The following SPDYE4 variants were observed in gnomAD, a reference collection of about 807,000 sequenced individuals.
SPDYE4 encodes speedy/RINGO cell cycle regulator family member E4, also known as speedy protein E4.
A neutral mutation model predicts 37.5 loss-of-function variants in SPDYE4; 30 were observed. The observed-to-expected ratio is 0.80, with a 90% CI of 0.60 to 1.09. The LOEUF (loss-of-function observed/expected upper bound fraction) is 1.09. Ranked by LOEUF, SPDYE4 falls within the 50% of genes least tolerant of loss-of-function variation. The probability of loss-of-function intolerance (pLI) is 0.00; values close to 1 mark genes in which losing one functional copy is unlikely to be tolerated. For synonymous variants in SPDYE4, 131 were observed against 120.3 expected, an observed-to-expected ratio of 1.09 and a Z score of -0.58; for missense variants, 300 against 307.9, an observed-to-expected ratio of 0.97 and a Z score of 0.19.
At chr17:8,756,258 G>C (rs2086771216) in intron 3 of SPDYE4, 120 bp downstream of exon 3, 3 of 913,004 alleles carry the variant, frequency 3.3e-6, no homozygotes, top group Non-Finnish European at 5.1e-6. Flanking sequence ...CCAAGAGTAT[G>C]GAATCAGCAG....
rs745347562 is a variant in SPDYE4, at chr17:8,753,122, C to T, written c.*16G>A. ...CCCTCAGGCCGATGACCTCAGGCCT[C>T]CATGTCCCCGGAGCTCTAGGAAATG... is the stretch of plus-strand genomic sequence containing the variant. On this transcript the variant is annotated 3_prime_UTR_variant, in exon 6 of 7. Transcript: ENST00000689094. 3.1e-6 allele frequency: 5 copies of T among 1,614,062 alleles called. No homozygotes were observed. Among genetic ancestry groups the T allele is most frequent in the Non-Finnish European group, 4.2e-6 (5 of 1,180,004 alleles).
intron 4 of SPDYE4, among the ~76,000 whole-genome samples, chr17:8,754,672 G>A (rs976931381): frequency 5.3e-5 from 8 of 152,296 alleles, no homozygotes; most frequent in Middle Eastern, 6.8e-3. Flanking sequence ...GCAGATAAAC[G>A]AATCCAAAAT....
chr17:8,753,281 A>ACCCCCCCCCCC, intron 5 of SPDYE4, 40 bp downstream of exon 5: 1 of 388,128 alleles, frequency 2.6e-6, no homozygotes, highest in Non-Finnish European at 3.7e-6. Flanking sequence ...AGTCCACCCC[A>ACCCCCCCCCCC]TCCCTCCCCA....
intron 1 of SPDYE4, among the ~76,000 whole-genome samples, chr17:8,757,830 C>T (rs1022219572): frequency 2.7e-5 from 4 of 150,748 alleles, no homozygotes; most frequent in Non-Finnish European, 4.4e-5. Flanking sequence ...TTGCCCAGAC[C>T]GGAGTGCAGT....
chr17:8,753,874 A>G (rs867418368), intron 4 of SPDYE4, among the ~76,000 whole-genome samples: 1 of 151,994 alleles, frequency 6.6e-6, no homozygotes, highest in African/African-American at 2.4e-5. Flanking sequence ...CTTATACAAG[A>G]CAGATGACGT....
intron 3 of SPDYE4, 136 bp downstream of exon 3, chr17:8,756,242 G>T: frequency 1.3e-6 from 1 of 783,738 alleles, no homozygotes; most frequent in Non-Finnish European, 2.1e-6. Context: ...ATCAAAATGT[G>T]GGCGCCCAAG....
intron 3 of SPDYE4, 37 bp from the exon 4 acceptor site, chr17:8,755,642 G>A: frequency 6.2e-7 from 1 of 1,603,386 alleles, no homozygotes; most frequent in Non-Finnish European, 8.5e-7. Flanking sequence ...GAGAAAGGTT[G>A]GTCACATCCT....
At chr17:8,750,459 C>T (rs141832173), downstream of SPDYE4, among the ~76,000 whole-genome samples, 1,765 of 152,086 alleles carry the variant, frequency 0.012, 31 homozygotes, top group African/African-American at 0.04. Context: ...GCCTGTAATC[C>T]CAGCACTTTG....
chr17:8,757,538 C>T, intron 1 of SPDYE4, 46 bp from the exon 2 acceptor site: 3 of 1,586,822 alleles, frequency 1.9e-6, no homozygotes, highest in Non-Finnish European at 2.6e-6. Context: ...TGCCATTGAT[C>T]ACCTTAGACG....
At chr17:8,758,251 G>A (rs1321634372) in intron 1 of SPDYE4, 23 bp downstream of exon 1, 38 of 1,501,452 alleles carry the variant, frequency 2.5e-5, no homozygotes, top group Non-Finnish European at 3.1e-5. Flanking sequence ...ATCTCCCATC[G>A]CTTCTCCCTC....
intron 4 of SPDYE4, among the ~76,000 whole-genome samples, chr17:8,753,918 A>G (rs2151144972): frequency 6.6e-6 from 1 of 151,994 alleles, no homozygotes; most frequent in South Asian, 2.1e-4. Flanking sequence ...TGTTCCTCCC[A>G]CACCCCCCTT....
In SPDYE4 at chr17:8,756,362, TGGA is replaced by T. The variant is rs146385099; in HGVS notation, c.399+13_399+15del. ...GTGTTAAAGCAGGAACACAGTTGAGTGGAGAACAACCTTACCTTGTCTGACACC... is the reference window on the plus strand; with the variant it reads ...GTGTTAAAGCAGGAACACAGTTGAGTGAACAACCTTACCTTGTCTGACACC... On this transcript the variant is annotated intron_variant, in intron 3 of 6. Transcript: ENST00000689094. 0.32 allele frequency: 518,517 copies of T among 1,609,880 alleles called. 86,688 individuals carry two copies. The highest frequency in any genetic ancestry group is 0.34 in the Non-Finnish European group (402,369 of 1,176,718).
chr17:8,751,684 C>T lies in SPDYE4; in HGVS notation c.*598G>A, dbSNP rs966704386. ...ATTATATTTATGTGTATATAACAAC[C>T]GTCAGAGAACTCTATAGGAACAGCA... On this transcript the variant is annotated 3_prime_UTR_variant, in exon 7 of 7. Coordinates refer to ENST00000689094, the MANE Select transcript of SPDYE4 (RefSeq NM_001394956.1). 6.6e-6 allele frequency among the ~76,000 whole-genome samples: 1 copy of T among 152,090 alleles called. No homozygotes were observed. Among genetic ancestry groups the T allele is most frequent in the Non-Finnish European group, 1.5e-5 (1 of 68,030 alleles).
rs780646534 is a variant in SPDYE4, at chr17:8,753,403, C to A, written c.572G>T (p.Arg191Leu). The A allele has an allele frequency of 6.2e-7, 1 of 1,600,170 alleles. No individual in the cohort carries two copies. Among genetic ancestry groups the A allele is most frequent in the Non-Finnish European group, 8.5e-7 (1 of 1,173,212 alleles). ...SFLYGKNYSQ[R>L]PLFHKLRYQL... The stretch of plus-strand genomic sequence containing the variant: ...GTATCGAAGCTTATGGAACAAGGGT[C>A]GCTGGGAGTAGTTCTTCCCGTAGAG... The change falls in exon 5 of 7, where the codon CGA becomes CTA. Residue 191 changes from arginine (R) to leucine (L), a missense_variant. By Grantham distance (102) the Arg-to-Leu change is moderately radical. Transcript: ENST00000689094.
Position 8,758,470 on chromosome 17 carries a change from A to G in SPDYE4, c.-88T>C. ...CTTCCAGACTCCGTTAGGACCCAGA[A>G]GAGTGCGTTTCTCTTCTAGAGGCTC... On this transcript the variant is annotated 5_prime_UTR_variant, in exon 1 of 7. Transcript: ENST00000689094. The G allele has an allele frequency of 8.0e-7, 1 of 1,257,534 alleles. No individual in the cohort carries two copies. The highest frequency in any genetic ancestry group is 1.1e-6 in the Non-Finnish European group (1 of 882,276). 77.9% of individuals were successfully genotyped at this position (1,257,534 alleles called of 1,614,324 possible).
chr17:8,750,709 C>A (rs1346137999), downstream of SPDYE4, among the ~76,000 whole-genome samples: 1 of 130,822 alleles, frequency 7.6e-6, no homozygotes, highest in Non-Finnish European at 1.7e-5. Context: ...GACTCCATCT[C>A]AAAAACAAAC....
Position 8,751,557 on chromosome 17 carries a change from T to A in SPDYE4, c.*725A>T, listed in dbSNP as rs13341834. Among the ~76,000 whole-genome samples, 11,140 of 152,170 alleles carry A rather than the reference T, an allele frequency of 0.073. 1,183 individuals carry two copies. The highest frequency in any genetic ancestry group is 0.24 in the African/African-American group (9,849 of 41,490). On this transcript the variant is annotated 3_prime_UTR_variant, in exon 7 of 7. Coordinates refer to ENST00000689094, the MANE Select transcript of SPDYE4 (RefSeq NM_001394956.1). Reference sequence around the variant, plus strand: ...GATATATTAGGTCAGTATCATAGATTACAAGAGTGCTCGCTTCAGGAGCAC... The same window carrying A: ...GATATATTAGGTCAGTATCATAGATAACAAGAGTGCTCGCTTCAGGAGCAC...
At chr17:8,757,552 C>G in intron 1 of SPDYE4, 60 bp from the exon 2 acceptor site, 1 of 1,534,572 alleles carries the variant, frequency 6.5e-7, no homozygotes, top group Non-Finnish European at 8.8e-7. Flanking sequence ...TTAGACGCCC[C>G]GACCCAGGAA....
In SPDYE4 at chr17:8,751,879, T is replaced by C. The variant is rs2086730618; in HGVS notation, c.*403A>G. On this transcript the variant is annotated 3_prime_UTR_variant, in exon 7 of 7. Transcript: ENST00000689094. ...ACAAAGAATTCCGTAACAATCTGAGTGCCTGCGCTGTGCCTTCAAATGCTC... is the reference window on the plus strand; with the variant it reads ...ACAAAGAATTCCGTAACAATCTGAGCGCCTGCGCTGTGCCTTCAAATGCTC... Among the ~76,000 whole-genome samples the C allele has an allele frequency of 6.6e-6, 1 of 152,150 alleles. No individual in the cohort carries two copies. Among genetic ancestry groups the C allele is most frequent in the African/African-American group, 2.4e-5 (1 of 41,422 alleles).
Sources: allele counts gnomAD v4.1 joint callset (sites outside exome capture counted in the v4.1 genomes callset), GRCh38; gene constraint gnomAD v4.1.1; transcripts MANE v1.5; gene names NCBI Gene and HGNC (gene_info 2026-07-23, HGNC 2026-07-21).